Variants in KIAA0319 observed in about 807,000 individuals in gnomAD.
The protein encoded by KIAA0319 is dyslexia-associated protein KIAA0319.
In KIAA0319, 83 loss-of-function variants were observed where a neutral mutation model predicts 108.4. The ratio of observed to expected loss-of-function variants is 0.77; its 90% CI spans 0.64 to 0.92. The LOEUF (loss-of-function observed/expected upper bound fraction) is 0.92, where lower values mean the gene tolerates loss of function less well. Ranked by LOEUF, KIAA0319 falls within the 40% of genes least tolerant of loss-of-function variation. The pLI is 0.00. For missense variants in KIAA0319, 1,195 were observed against 1,322.4 expected, an observed-to-expected ratio of 0.90 and a Z score of 1.49; for synonymous variants, 484 against 510.4, an observed-to-expected ratio of 0.95 and a Z score of 0.70.
intron 2 of KIAA0319, among the ~76,000 whole-genome samples, chr6:24,597,403 G>A (rs987930039): frequency 1.2e-4 from 19 of 152,286 alleles, no homozygotes; most frequent in Non-Finnish European, 2.8e-4. Flanking sequence ...TGGAGGTGGT[G>A]GATTCCTTGG....
At chr6:24,612,779 G>A (rs1772527606) in intron 1 of KIAA0319, among the ~76,000 whole-genome samples, 1 of 152,092 alleles carries the variant, frequency 6.6e-6, no homozygotes, top group Non-Finnish European at 1.5e-5. Context: ...TGAGGGGAGA[G>A]AGGGCTCAGG....
chr6:24,551,582 G>A (rs1228280907), intron 19 of KIAA0319, 57 bp from the exon 20 acceptor site: 1 of 1,183,710 alleles, frequency 8.4e-7, no homozygotes, highest in Non-Finnish European at 1.3e-6. Context: ...CTGAGAGCTA[G>A]GATTTAACGC....
At position 24,544,973 on chromosome 6, in the gene KIAA0319, A is replaced by G. The variant is rs1310920989; in HGVS notation, c.*2192T>C. 2 of 152,264 alleles carry G rather than the reference A, an allele frequency of 1.3e-5. No homozygotes were observed. The highest frequency in any genetic ancestry group is 3.8e-4 in the East Asian group (2 of 5,202). 9.4% of individuals were successfully genotyped at this position (152,264 alleles called of 1,614,324 possible). ...ACAGAAAAGGAGGAGGGGCAGAAGA[A>G]GTCCACTGTAAACCTAGAGGGAGGG... On this transcript the variant is annotated 3_prime_UTR_variant, in exon 21 of 21. Coordinates refer to ENST00000378214, the MANE Select transcript of KIAA0319 (RefSeq NM_014809.4).
rs556784638 is a variant in KIAA0319 at position 24,576,515 on chromosome 6, T to C, written c.1587A>G (p.Pro529=). ...LIVNNAVDYP[P]VANAGPNHTI... ...TGTGATTTGGTCCTGCATTAGCAAC[T>C]GGTGGGTAGTCCACAGCATTGTTCA... Residue 529 remains proline, a synonymous_variant, in exon 10 of 21, where the codon CCA becomes CCG. Transcript: ENST00000378214. 6.2e-6 allele frequency: 10 copies of C among 1,614,186 alleles called. No individual in the cohort carries two copies. The highest frequency in any genetic ancestry group is 6.8e-6 in the Non-Finnish European group (8 of 1,180,016).
intron 3 of KIAA0319, 116 bp downstream of exon 3, chr6:24,595,757 G>A: frequency 1.7e-6 from 2 of 1,156,310 alleles, no homozygotes; most frequent in South Asian, 3.9e-5. Context: ...CCCTTAGGCG[G>A]AACCTCCTTA....
chr6:24,588,730 G>C lies in KIAA0319; in HGVS notation c.857C>G (p.Thr286Ser), dbSNP rs1452358179. 2 of 1,613,916 alleles carry C rather than the reference G, an allele frequency of 1.2e-6. No individual in the cohort carries two copies. The highest frequency in any genetic ancestry group is 3.3e-5 in the Admixed American group (2 of 59,998). Residue 286 changes from threonine to serine, a missense_variant, in exon 4 of 21, where the codon ACC becomes AGC. Thr to Ser is a moderately conservative substitution (Grantham distance 58). Coordinates refer to ENST00000378214, the MANE Select transcript of KIAA0319 (RefSeq NM_014809.4). ...PPASLELSSV[T>S]VEKSPVLTVT... ...TGTGAGCACTGGGCTTTTCTCCACG[G>C]TGACTGAGCTGAGCTCCAGGCTTGC...
At position 24,564,312 on chromosome 6, in the gene KIAA0319, A is replaced by G. The variant is rs2817191; in HGVS notation, c.2321T>C (p.Val774Ala). ...GDVIDGSDHS[V>A]ALQLTNLVEG... is the part of the protein sequence containing the mutation. ...CACCAGATTCGTAAGCTGCAGAGCC[A>G]CACTGTGGTCAGAGCCATCGATGAC... is the stretch of plus-strand genomic sequence containing the variant. Residue 774 changes from valine (V) to alanine (A), a missense_variant, in exon 15 of 21, where the codon GTG becomes GCG. Coordinates refer to ENST00000378214, the MANE Select transcript of KIAA0319 (RefSeq NM_014809.4). The G allele has an allele frequency of 0.026, 41,870 of 1,613,504 alleles. 1,212 individuals carry two copies. Among genetic ancestry groups the G allele is most frequent in the African/African-American group, 0.14 (10,555 of 74,914 alleles).
intron 5 of KIAA0319, chr6:24,583,018 A>G (rs148893964): frequency 3.2e-5 from 30 of 945,518 alleles, no homozygotes; most frequent in Non-Finnish European, 3.8e-5. Flanking sequence ...TTAAGGAACT[A>G]ACCTGAATGA....
intron 5 of KIAA0319, chr6:24,583,301 C>T: frequency 1.0e-6 from 1 of 989,052 alleles, no homozygotes; most frequent in Non-Finnish European, 1.2e-6. Flanking sequence ...TGGGTTATTA[C>T]AGTTCAAGAA....
intron 13 of KIAA0319, among the ~76,000 whole-genome samples, chr6:24,567,575 C>G (rs567222242): frequency 1.3e-5 from 2 of 152,246 alleles, no homozygotes; most frequent in Non-Finnish European, 2.9e-5. Context: ...GTAACACACA[C>G]CTGTAGACCC....
At chr6:24,603,112 T>C (rs1460249205) in intron 1 of KIAA0319, among the ~76,000 whole-genome samples, 2 of 152,252 alleles carry the variant, frequency 1.3e-5, no homozygotes, top group Non-Finnish European at 2.9e-5. Flanking sequence ...TCCTTAGTGG[T>C]ATTTAAAATA....
intron 1 of KIAA0319, among the ~76,000 whole-genome samples, chr6:24,628,084 A>T (rs1774963025): frequency 6.6e-6 from 1 of 152,236 alleles, no homozygotes; most frequent in African/African-American, 2.4e-5. Flanking sequence ...GCTGGAAAGC[A>T]TGTCCTAATA....
chr6:24,553,632 A>G (rs2760174), intron 19 of KIAA0319, among the ~76,000 whole-genome samples: 44,651 of 152,024 alleles, frequency 0.29, 7,875 homozygotes, highest in African/African-American at 0.5. Flanking sequence ...CTACGAGGAG[A>G]ATGGAGTGCT....
chr6:24,563,518 T>A lies in KIAA0319; in HGVS notation c.2432A>T (p.Asp811Val). The change falls in exon 16 of 21, where the codon GAC (aspartate) becomes GTC (valine). Residue 811 changes from aspartate to valine, a missense_variant and splice_region_variant. By Grantham distance (152) the Asp-to-Val change is radical. Transcript: ENST00000378214. ...TDTATVEVQPDPRKSGLVELT... is the reference protein window; with the variant it reads ...TDTATVEVQPVPRKSGLVELT... ...CTCCACCAGGCCACTCTTCCTAGGG[T>A]CTGGGGAAAGAGAAGATACAGGATT... 6.2e-7 allele frequency: 1 copy of A among 1,605,274 alleles called. No individual in the cohort carries two copies.
Position 24,645,891 on chromosome 6 carries a change from T to TACACACA in KIAA0319, c.-262_-261insTGTGTGT, listed in dbSNP as rs1777558952. 1.6e-5 allele frequency: 2 copies of TACACACA among 127,268 alleles called. No individual in the cohort carries two copies. The highest frequency in any genetic ancestry group is 3.5e-5 in the Non-Finnish European group (2 of 56,380). The allele number at this position is 127,268 out of a possible 1,614,324, so 7.9% of individuals were successfully genotyped here. On this transcript the variant is annotated 5_prime_UTR_variant, in exon 1 of 21. Transcript: ENST00000378214. ...CACACACACACACACACACACACGT[T>TACACACA]CACACCCTCGCGCGCGCACCTGCTG...
At chr6:24,557,971 G>A (rs1426933383) in intron 17 of KIAA0319, among the ~76,000 whole-genome samples, 1 of 151,954 alleles carries the variant, frequency 6.6e-6, no homozygotes, top group South Asian at 2.1e-4. Context: ...TGGTGGAACT[G>A]GAAAAACATA....
chr6:24,640,825 G>C (rs1406936007), intron 1 of KIAA0319, among the ~76,000 whole-genome samples: 1 of 151,706 alleles, frequency 6.6e-6, no homozygotes, highest in Non-Finnish European at 1.5e-5. Context: ...GCTAATTTTT[G>C]TATTTTTTTG....
intron 7 of KIAA0319, among the ~76,000 whole-genome samples, chr6:24,580,311 T>TCC (rs553867582): frequency 3.8e-5 from 5 of 133,230 alleles, no homozygotes; most frequent in Non-Finnish European, 4.8e-5. Flanking sequence ...TGAAGGCAAC[T>TCC]CCCCCCCCCA....
At chr6:24,622,974 G>A (rs1438971770) in intron 1 of KIAA0319, among the ~76,000 whole-genome samples, 1 of 152,114 alleles carries the variant, frequency 6.6e-6, no homozygotes, top group Non-Finnish European at 1.5e-5. Flanking sequence ...AGGAGATGGA[G>A]GTTGCAGTGA....
Sources: gnomAD v4.1 joint callset for allele counts (sites outside exome capture counted in the v4.1 genomes callset) on GRCh38, gnomAD v4.1.1 for gene constraint, MANE v1.5 for transcripts, NCBI Gene and HGNC (gene_info 2026-07-23, HGNC 2026-07-21) for gene names.